Variants in PLXNC1 observed in about 807,000 individuals in gnomAD.
PLXNC1 encodes plexin C1.
A neutral mutation model predicts 178.2 loss-of-function variants in PLXNC1; 75 were observed. That is an observed-to-expected ratio of 0.42 (90% confidence interval 0.35 to 0.51). The LOEUF (loss-of-function observed/expected upper bound fraction) is 0.51. Ranked by LOEUF, PLXNC1 falls within the 20% of genes least tolerant of loss-of-function variation. PLXNC1 has a pLI of 0.02. For missense variants in PLXNC1, 1,503 were observed against 1,984.4 expected (o/e 0.76, Z 4.61); for synonymous variants, 790 against 779.9 (o/e 1.01, Z -0.22).
intron 10 of PLXNC1, among the ~76,000 whole-genome samples, chr12:94,238,315 A>G (rs1964294222): frequency 6.6e-6 from 1 of 152,222 alleles, no homozygotes; most frequent in African/African-American, 2.4e-5. Context: ...TTAAATTACT[A>G]CTACATATAA....
At chr12:94,191,741 G>A (rs1962732442) in intron 4 of PLXNC1, among the ~76,000 whole-genome samples, 1 of 149,244 alleles carries the variant, frequency 6.7e-6, no homozygotes, top group African/African-American at 2.5e-5. Flanking sequence ...CCAAGATCCA[G>A]CCTGGGTGAC....
rs545525116 is a variant in PLXNC1, at chr12:94,204,011, C to T, written c.1440-5579C>T. On this transcript the variant is annotated intron_variant, in intron 4 of 30. Coordinates refer to ENST00000258526, the MANE Select transcript of PLXNC1 (RefSeq NM_005761.3). Reference sequence around the variant, plus strand: ...TCTCTCTTGCTCTTCCACCTCCTGCCATGGGATGATTCAGCAATAAGGCCC... The same window carrying T: ...TCTCTCTTGCTCTTCCACCTCCTGCTATGGGATGATTCAGCAATAAGGCCC... Among the ~76,000 whole-genome samples the T allele has an allele frequency of 2.6e-5, 4 of 152,316 alleles. No homozygotes were observed. The South Asian group carries it at 6.2e-4, about 24-fold the overall frequency.
intron 2 of PLXNC1, among the ~76,000 whole-genome samples, chr12:94,173,889 C>G (rs1321965177): frequency 6.6e-6 from 1 of 152,152 alleles, no homozygotes; most frequent in African/African-American, 2.4e-5. Context: ...CTCTGAGCTG[C>G]GCGTAGTCCA....
chr12:94,218,944 G>A (rs749483690), intron 5 of PLXNC1, among the ~76,000 whole-genome samples: 11 of 152,150 alleles, frequency 7.2e-5, no homozygotes, highest in Non-Finnish European at 1.5e-4. Flanking sequence ...TGTCTTAAAT[G>A]AACCCCAGAT....
intron 23 of PLXNC1, among the ~76,000 whole-genome samples, chr12:94,286,428 C>T (rs117642076): frequency 0.015 from 2,338 of 152,122 alleles, 31 homozygotes; most frequent in Middle Eastern, 0.027. Flanking sequence ...GATTAAGCAG[C>T]GCCTCCGCAG....
chr12:94,264,503 C>T lies in PLXNC1; in HGVS notation c.3451-576C>T, dbSNP rs1210967657. Among the ~76,000 whole-genome samples, 5 of 131,896 alleles carry T rather than the reference C, an allele frequency of 3.8e-5. No individual in the cohort carries two copies. In the East Asian group the frequency reaches 1.1e-3, roughly 29 times the overall value. The allele number at this position is 131,896 out of a possible 152,430, so 86.5% of individuals were successfully genotyped here. A position where few individuals can be genotyped will look rare whatever the true frequency, so the allele number is the denominator to read the frequency against. On this transcript the variant is annotated intron_variant, in intron 20 of 30. Coordinates refer to ENST00000258526, the MANE Select transcript of PLXNC1 (RefSeq NM_005761.3). Reference sequence around the variant, plus strand: ...TGTGCAGTGTGTGTCTGGGAACTGCCCGGGCCGGGCCTGGCCTGGCCCATG... The same window carrying T: ...TGTGCAGTGTGTGTCTGGGAACTGCTCGGGCCGGGCCTGGCCTGGCCCATG...
At position 94,260,599 on chromosome 12, in the gene PLXNC1, T is replaced by G. The variant is rs1223732243; in HGVS notation, c.3252-43T>G. ...ATGGAAACTCCCATGGGTGTCCAGC[T>G]AGGCCTGCAGCCAATGGTTCACCCA... On this transcript the variant is annotated intron_variant, in intron 19 of 30. Transcript: ENST00000258526. The surrounding 1 kb of genome is among the most constrained non-coding windows in gnomAD (Gnocchi z 4.4). 6.8e-7 allele frequency: 1 copy of G among 1,477,480 alleles called. No homozygotes were observed. 91.5% of individuals were successfully genotyped at this position (1,477,480 alleles called of 1,614,324 possible).
intron 1 of PLXNC1, among the ~76,000 whole-genome samples, chr12:94,162,195 CGAGT>C (rs1961410039): frequency 6.6e-6 from 1 of 152,060 alleles, no homozygotes; most frequent in Non-Finnish European, 1.5e-5. Flanking sequence ...CATGTGTCCA[CGAGT>C]AGGTGACATT....
intron 4 of PLXNC1, among the ~76,000 whole-genome samples, chr12:94,205,317 C>T (rs549492862): frequency 3.9e-5 from 6 of 152,278 alleles, no homozygotes; most frequent in Admixed American, 2.6e-4. Flanking sequence ...GTCGATCCAG[C>T]TGGGCGCTGT....
rs931242988 is a variant in PLXNC1, at chr12:94,287,783, G to A, written c.3879+5382G>A. 5.1e-4 allele frequency among the ~76,000 whole-genome samples: 77 copies of A among 152,300 alleles called. 1 individual carries two copies. The highest frequency in any genetic ancestry group is 1.4e-3 in the African/African-American group (60 of 41,562). ...TAAAAGGGACTGGACAATCGCTAAA[G>A]GTCTGTTGCAGTGTGAATGTCTTTA... On this transcript the variant is annotated intron_variant, in intron 23 of 30. Transcript: ENST00000258526.
chr12:94,166,474 T>C (rs1369556669), intron 1 of PLXNC1, among the ~76,000 whole-genome samples: 1 of 152,072 alleles, frequency 6.6e-6, no homozygotes, highest in Non-Finnish European at 1.5e-5. Context: ...TTAGGTAAGA[T>C]GATAAAATAC....
At chr12:94,272,083 T>G (rs991157950) in intron 21 of PLXNC1, 6 of 152,080 alleles carry the variant, frequency 3.9e-5, no homozygotes, top group African/African-American at 1.4e-4. Context: ...CTTTCCAGCC[T>G]GGCCCTCTTC....
intron 9 of PLXNC1, among the ~76,000 whole-genome samples, chr12:94,234,725 A>G (rs920915290): frequency 1.3e-5 from 2 of 152,220 alleles, no homozygotes; most frequent in African/African-American, 4.8e-5. Context: ...ATTGAGCTCA[A>G]TTATGTTTTA....
At chr12:94,219,956 C>A in intron 5 of PLXNC1, 60 bp from the exon 6 acceptor site, 2 of 1,529,216 alleles carry the variant, frequency 1.3e-6, no homozygotes, top group Non-Finnish European at 1.8e-6. Context: ...ATATGAGGCT[C>A]TATGATGGAT....
intron 23 of PLXNC1, among the ~76,000 whole-genome samples, chr12:94,293,149 C>T (rs1967534638): frequency 6.6e-6 from 1 of 152,156 alleles, no homozygotes; most frequent in Non-Finnish European, 1.5e-5. Flanking sequence ...AAGATTTACC[C>T]ATGTGGCGTG....
intron 9 of PLXNC1, among the ~76,000 whole-genome samples, chr12:94,234,815 A>C (rs1964197906): frequency 6.6e-6 from 1 of 152,236 alleles, no homozygotes; most frequent in Non-Finnish European, 1.5e-5. Flanking sequence ...TCTTGATGAA[A>C]ATACAAAAAT....
intron 14 of PLXNC1, among the ~76,000 whole-genome samples, 182 bp from the exon 15 acceptor site, chr12:94,251,244 G>A (rs1035091557): frequency 4.6e-5 from 7 of 152,172 alleles, no homozygotes; most frequent in African/African-American, 1.7e-4. Flanking sequence ...GAGGCACAGT[G>A]AATATTCTGG....
chr12:94,151,612 C>G (rs1212789175), intron 1 of PLXNC1, among the ~76,000 whole-genome samples: 1 of 152,058 alleles, frequency 6.6e-6, no homozygotes, highest in Non-Finnish European at 1.5e-5. Context: ...TTGAAAGTAC[C>G]CCCGAAATAT....
At chr12:94,153,392 A>G (rs1343577922) in intron 1 of PLXNC1, among the ~76,000 whole-genome samples, 1 of 152,232 alleles carries the variant, frequency 6.6e-6, no homozygotes, top group Non-Finnish European at 1.5e-5. Flanking sequence ...TTAGAACTTC[A>G]TGTGGTCTCT....
Sources: gnomAD v4.1 joint callset for allele counts (sites outside exome capture counted in the v4.1 genomes callset) on GRCh38, gnomAD v4.1.1 for gene constraint, Gnocchi (gnomAD v3.1) non-coding constraint, MANE v1.5 for transcripts, NCBI Gene and HGNC (gene_info 2026-07-23, HGNC 2026-07-21) for gene names.